KMT5B: variants seen among roughly 807,000 people sequenced by gnomAD.
KMT5B encodes histone-lysine N-methyltransferase KMT5B.
KMT5B carries 10 observed loss-of-function variants against 83.2 expected under a neutral mutation model. That is an observed-to-expected ratio of 0.12 (90% CI 0.07 to 0.20). The LOEUF is 0.20. Among genes scored for constraint, KMT5B ranks in the 10% least tolerant of loss-of-function variants. KMT5B has a pLI of 1.00. For missense variants in KMT5B, 753 were observed against 1,067.2 expected (o/e 0.71, Z 4.10); for synonymous variants, 349 against 388.8 (o/e 0.90, Z 1.20).
intron 1 of KMT5B, among the ~76,000 whole-genome samples, chr11:68,197,947 T>C (rs1858918610): frequency 6.6e-6 from 1 of 152,296 alleles, no homozygotes; most frequent in Non-Finnish European, 1.5e-5. Flanking sequence ...TCAAAATGAA[T>C]ATATATTGTA....
At chr11:68,209,787 C>T (rs547406692) in intron 1 of KMT5B, among the ~76,000 whole-genome samples, 11 of 152,170 alleles carry the variant, frequency 7.2e-5, no homozygotes, top group African/African-American at 2.4e-4. Flanking sequence ...GGGTTTACTC[C>T]AGTGCTTGAG....
At chr11:68,193,885 C>G (rs943991104) in intron 1 of KMT5B, among the ~76,000 whole-genome samples, 1 of 150,934 alleles carries the variant, frequency 6.6e-6, no homozygotes, top group Non-Finnish European at 1.5e-5. Context: ...ACTGTGGCCT[C>G]AAAGTCCTAG....
chr11:68,175,587 C>T (rs1248804883), intron 4 of KMT5B, among the ~76,000 whole-genome samples: 1 of 152,170 alleles, frequency 6.6e-6, no homozygotes, highest in Non-Finnish European at 1.5e-5. Flanking sequence ...CTCTAGAATA[C>T]AGCACACCTA....
intron 4 of KMT5B, 32 bp from the exon 5 acceptor site, chr11:68,175,215 C>T (rs1856237268): frequency 6.3e-7 from 1 of 1,579,154 alleles, no homozygotes; most frequent in Non-Finnish European, 8.7e-7. Context: ...AATGGGTTAT[C>T]TGCCACAATC....
intron 2 of KMT5B, among the ~76,000 whole-genome samples, chr11:68,188,136 C>T (rs764178137): frequency 1.3e-5 from 2 of 151,500 alleles, no homozygotes; most frequent in Non-Finnish European, 1.5e-5. Flanking sequence ...ACCATTCTCC[C>T]GCCTCAGCCT....
chr11:68,199,782 AG>A (rs1859192662), intron 1 of KMT5B, among the ~76,000 whole-genome samples: 1 of 152,232 alleles, frequency 6.6e-6, no homozygotes, highest in Non-Finnish European at 1.5e-5. Context: ...GCAGCAGCAG[AG>A]GTGGCAAGAA....
intron 4 of KMT5B, among the ~76,000 whole-genome samples, chr11:68,175,961 C>T (rs1247390615): frequency 7.0e-6 from 1 of 143,136 alleles, no homozygotes; most frequent in African/African-American, 2.6e-5. Context: ...GTGGCCCAGG[C>T]TGGAGTGCAG....
At chr11:68,191,527 T>C (rs1005205049) in intron 1 of KMT5B, among the ~76,000 whole-genome samples, 3 of 151,802 alleles carry the variant, frequency 2.0e-5, no homozygotes, top group African/African-American at 7.3e-5. Context: ...AGAGACAGGG[T>C]TTTACCATGT....
chr11:68,172,040 C>T (rs985308907), intron 6 of KMT5B, among the ~76,000 whole-genome samples: 1 of 152,112 alleles, frequency 6.6e-6, no homozygotes, highest in African/African-American at 2.4e-5. Context: ...ATGAATTAAA[C>T]TTTCTGACTG....
At chr11:68,190,455 G>A (rs1321425483) in intron 1 of KMT5B, among the ~76,000 whole-genome samples, 1 of 152,106 alleles carries the variant, frequency 6.6e-6, no homozygotes, top group Non-Finnish European at 1.5e-5. Context: ...GCCCCAGGCA[G>A]GTTATTCAAG....
At chr11:68,188,026 C>CTTTTTTT (rs1168742073) in intron 2 of KMT5B, among the ~76,000 whole-genome samples, 4 of 139,428 alleles carry the variant, frequency 2.9e-5, no homozygotes, top group Non-Finnish European at 6.3e-5. Context: ...TTTCCTTTTT[C>CTTTTTTT]TTTTTTTTTT....
chr11:68,211,401 C>A (rs1860877596), intron 1 of KMT5B, among the ~76,000 whole-genome samples: 1 of 152,224 alleles, frequency 6.6e-6, no homozygotes. Context: ...AAGCCCTACC[C>A]TACTCTCTTA....
At chr11:68,166,876 GTCTC>G (rs761056631) in intron 10 of KMT5B, 102 bp downstream of exon 10, 112 of 1,500,494 alleles carry the variant, frequency 7.5e-5, no homozygotes, top group Middle Eastern at 4.9e-4. Context: ...ACAAGTCCCA[GTCTC>G]TCTGAGTATT....
intron 1 of KMT5B, among the ~76,000 whole-genome samples, chr11:68,191,209 A>G (rs1257727504): frequency 4.0e-5 from 3 of 75,840 alleles, no homozygotes; most frequent in Admixed American, 1.5e-4. Flanking sequence ...GTGTGTGTGT[A>G]GAGACGAGGT....
At chr11:68,172,211 G>C (rs77432019) in intron 6 of KMT5B, among the ~76,000 whole-genome samples, 2 of 152,054 alleles carry the variant, frequency 1.3e-5, no homozygotes. Context: ...GTGAATATAG[G>C]TGAAATTACT....
chr11:68,161,977 G>A (rs1470866232), intron 10 of KMT5B, among the ~76,000 whole-genome samples: 2 of 152,094 alleles, frequency 1.3e-5, no homozygotes, highest in East Asian at 1.9e-4. Context: ...CCCCTTTCGA[G>A]GTCTCCATCT....
chr11:68,177,548 C>A (rs1380680927), intron 4 of KMT5B, among the ~76,000 whole-genome samples: 1 of 152,062 alleles, frequency 6.6e-6, no homozygotes, highest in Non-Finnish European at 1.5e-5. Context: ...TTAATGCATA[C>A]TGATACTACC....
Position 68,171,525 on chromosome 11 carries a change from C to CTTGGAAACACAGCTTACCATGGT in KMT5B, c.815_820+17dup. ...GAATGGCCAACACTAGCGCCAACAC[C>CTTGGAAACACAGCTTACCATGGT]TTGGAAACACAGCTTACCATGGTTT... On this transcript the variant is annotated intron_variant, in intron 7 of 10. Transcript: ENST00000304363. The surrounding 1 kb of genome is among the most constrained non-coding windows in gnomAD (Gnocchi z 5.1). The CTTGGAAACACAGCTTACCATGGT allele has an allele frequency of 6.2e-7, 1 of 1,610,642 alleles. No homozygotes were observed. Among genetic ancestry groups the CTTGGAAACACAGCTTACCATGGT allele is most frequent in the Non-Finnish European group, 8.5e-7 (1 of 1,178,332 alleles).
At chr11:68,162,958 T>C (rs1285927873) in intron 10 of KMT5B, among the ~76,000 whole-genome samples, 1 of 152,170 alleles carries the variant, frequency 6.6e-6, no homozygotes, top group East Asian at 1.9e-4. Flanking sequence ...AGCTGCACTG[T>C]CCTGGCAGGG....
Sources: gnomAD v4.1 joint callset for allele counts (sites outside exome capture counted in the v4.1 genomes callset) on GRCh38, gnomAD v4.1.1 for gene constraint, Gnocchi (gnomAD v3.1) non-coding constraint, MANE v1.5 for transcripts, NCBI Gene and HGNC (gene_info 2026-07-23, HGNC 2026-07-21) for gene names.